ATRNL1: variants seen among roughly 807,000 people sequenced by gnomAD.
ATRNL1 encodes attractin-like protein 1.
In ATRNL1, 95 loss-of-function variants were observed where a neutral mutation model predicts 182.7. The ratio of observed to expected loss-of-function variants is 0.52; its 90% CI spans 0.44 to 0.62. The LOEUF is 0.62. ATRNL1 is among the 20% of genes least tolerant of loss of function. The probability of loss-of-function intolerance (pLI) is 0.00; values close to 1 mark genes in which losing one functional copy is unlikely to be tolerated. For synonymous variants in ATRNL1, 576 were observed against 568.3 expected, an observed-to-expected ratio of 1.01 and a Z score of -0.19; for missense variants, 1,471 against 1,679.5, an observed-to-expected ratio of 0.88 and a Z score of 2.17.
chr10:115,778,831 G>C (rs1452676289), intron 27 of ATRNL1, among the ~76,000 whole-genome samples: 3 of 152,252 alleles, frequency 2.0e-5, no homozygotes, highest in South Asian at 2.1e-4. Context: ...GAGGCAAAAT[G>C]ACCACAAGGC....
intron 27 of ATRNL1, among the ~76,000 whole-genome samples, chr10:115,795,806 C>A (rs782815389): frequency 3.9e-5 from 6 of 152,268 alleles, no homozygotes; most frequent in South Asian, 2.1e-4. Context: ...CCCCATGATC[C>A]AATCACCTCC....
intron 19 of ATRNL1, among the ~76,000 whole-genome samples, chr10:115,379,883 G>T (rs1384557880): frequency 6.6e-6 from 1 of 152,180 alleles, no homozygotes. Flanking sequence ...CTGGAATGCA[G>T]TGGCGTGATC....
Position 115,315,588 on chromosome 10 carries a change from T to A in ATRNL1, c.2889T>A (p.Asp963Glu). 1 of 1,613,920 alleles carries A rather than the reference T, an allele frequency of 6.2e-7. No homozygotes were observed. Among genetic ancestry groups the A allele is most frequent in the Non-Finnish European group, 8.5e-7 (1 of 1,179,948 alleles). Residue 963 changes from aspartate to glutamate, a missense_variant, in exon 18 of 29, where the codon GAT becomes GAA. This residue lies in a region of ATRNL1 where 437 missense variants were observed against 506.0 expected (regional missense o/e 0.86). Coordinates refer to ENST00000355044, the MANE Select transcript of ATRNL1 (RefSeq NM_207303.4). ...LEQPGCGWCN[D>E]PSNTGRGHCI... ...AGCCTGGATGTGGCTGGTGCAATGA[T>A]CCTAGTAATACAGGAAGAGGACATT...
chr10:115,145,445 C>A (rs917642323), intron 5 of ATRNL1, among the ~76,000 whole-genome samples: 2 of 151,968 alleles, frequency 1.3e-5, no homozygotes, highest in Admixed American at 1.3e-4. Flanking sequence ...GCCAAGTATT[C>A]TTGGAACAGA....
chr10:115,626,035 A>C lies in ATRNL1; in HGVS notation c.3795+76499A>C, dbSNP rs78629793. Among the ~76,000 whole-genome samples, 581 of 152,282 alleles carry C rather than the reference A, an allele frequency of 3.8e-3. 17 individuals are homozygous for C. In the East Asian group the frequency reaches 0.055, roughly 15 times the overall value. On this transcript the variant is annotated intron_variant, in intron 26 of 28. Coordinates refer to ENST00000355044, the MANE Select transcript of ATRNL1 (RefSeq NM_207303.4). ...TTTTACTAATAATAATTTGTACTAC[A>C]TGGTATATCTCCATGCCCCCTGAAA...
intron 8 of ATRNL1, among the ~76,000 whole-genome samples, chr10:115,204,392 C>G (rs1554893287): frequency 1.3e-5 from 2 of 152,022 alleles, no homozygotes; most frequent in South Asian, 2.1e-4. Context: ...AAGCCTTCAA[C>G]TTTTCACCAC....
intron 26 of ATRNL1, among the ~76,000 whole-genome samples, chr10:115,577,345 T>C (rs925906581): frequency 9.2e-5 from 14 of 151,876 alleles, no homozygotes; most frequent in Admixed American, 2.6e-4. Context: ...GTATTAATTC[T>C]TCAATCCATT....
At chr10:115,190,256 GT>G (rs34290684) in intron 8 of ATRNL1, among the ~76,000 whole-genome samples, 2 of 148,830 alleles carry the variant, frequency 1.3e-5, no homozygotes, top group Non-Finnish European at 1.5e-5. Context: ...AATTGTATAC[GT>G]TTTTTTTACT....
chr10:115,636,452 G>T (rs1019708181), intron 26 of ATRNL1, among the ~76,000 whole-genome samples: 10 of 152,152 alleles, frequency 6.6e-5, no homozygotes, highest in Admixed American at 5.9e-4. Flanking sequence ...GATCGCAAAG[G>T]CTATGAAATT....
intron 9 of ATRNL1, among the ~76,000 whole-genome samples, chr10:115,223,929 A>ATATATATATATATTT (rs1420143943): frequency 1.6e-4 from 7 of 44,730 alleles, no homozygotes; most frequent in African/African-American, 4.6e-4. Context: ...ATATATATAT[A>ATATATATATATATTT]TTTTTTTTTT....
intron 28 of ATRNL1, among the ~76,000 whole-genome samples, chr10:115,866,330 A>G (rs542285432): frequency 2.0e-5 from 3 of 152,348 alleles, no homozygotes; most frequent in African/African-American, 7.2e-5. Context: ...CTTAGAAAAT[A>G]CATTCAAGTA....
intron 26 of ATRNL1, among the ~76,000 whole-genome samples, chr10:115,645,547 T>C (rs1859554486): frequency 6.6e-6 from 1 of 150,486 alleles, no homozygotes; most frequent in Admixed American, 6.6e-5. Context: ...TTTCTCCTTT[T>C]TTGAATGCAT....
intron 26 of ATRNL1, among the ~76,000 whole-genome samples, chr10:115,695,496 T>A (rs1464697162): frequency 1.3e-5 from 2 of 152,162 alleles, no homozygotes; most frequent in African/African-American, 4.8e-5. Context: ...TTCAATACTT[T>A]AAACCTAATA....
At chr10:115,235,042 G>T (rs1554901056) in intron 9 of ATRNL1, among the ~76,000 whole-genome samples, 25 of 152,002 alleles carry the variant, frequency 1.6e-4, no homozygotes. Context: ...ACATTTAGTT[G>T]TCATGTCTTT....
At chr10:115,490,977 ACAGT>A (rs1849272342) in intron 24 of ATRNL1, among the ~76,000 whole-genome samples, 1 of 152,058 alleles carries the variant, frequency 6.6e-6, no homozygotes, top group Admixed American at 6.6e-5. Context: ...TTTCCTTCTA[ACAGT>A]CAGGCCCCTC....
intron 9 of ATRNL1, among the ~76,000 whole-genome samples, chr10:115,229,013 C>T (rs1849816666): frequency 6.6e-6 from 1 of 151,904 alleles, no homozygotes; most frequent in Non-Finnish European, 1.5e-5. Context: ...GTGATCCACC[C>T]ACCTCGACCT....
At chr10:115,230,905 G>GAA (rs1849907339) in intron 9 of ATRNL1, among the ~76,000 whole-genome samples, 13 of 145,514 alleles carry the variant, frequency 8.9e-5, no homozygotes, top group African/African-American at 3.4e-4. Context: ...GAGAGAGAGA[G>GAA]AGAGAGAGAG....
At chr10:115,152,974 T>A (rs1354772736) in intron 5 of ATRNL1, among the ~76,000 whole-genome samples, 1 of 152,134 alleles carries the variant, frequency 6.6e-6, no homozygotes, top group Non-Finnish European at 1.5e-5. Context: ...ATTGAGATAA[T>A]CATGTGGTTT....
chr10:115,318,871 T>G (rs1340795749), intron 18 of ATRNL1, among the ~76,000 whole-genome samples: 1 of 151,922 alleles, frequency 6.6e-6, no homozygotes, highest in Admixed American at 6.6e-5. Context: ...TTTTGGAGGG[T>G]TTTTCATGTC....
Sources: gnomAD v4.1 joint callset for allele counts (sites outside exome capture counted in the v4.1 genomes callset) on GRCh38, gnomAD v4.1.1 for gene constraint, gnomAD v4.1.1 regional missense constraint, MANE v1.5 for transcripts, NCBI Gene and HGNC (gene_info 2026-07-23, HGNC 2026-07-21) for gene names.